The following NKAIN2 variants were observed in gnomAD, a reference collection of about 807,000 sequenced individuals.
NKAIN2 encodes the protein sodium/potassium transporting ATPase interacting 2.
Under a neutral mutation model 32.6 loss-of-function variants are expected in NKAIN2, and 14 were observed. The observed-to-expected ratio is 0.43, with a 90% CI of 0.28 to 0.67. The LOEUF (loss-of-function observed/expected upper bound fraction) is 0.67, where lower values mean the gene tolerates loss of function less well. Among genes scored for constraint, NKAIN2 ranks in the 30% least tolerant of loss-of-function variants. NKAIN2 has a pLI of 0.17. For missense variants in NKAIN2, 198 were observed against 258.3 expected (o/e 0.77, Z 1.60); for synonymous variants, 80 against 87.2 (o/e 0.92, Z 0.46).
chr6:124,080,911 G>A (rs1025650345), intron 1 of NKAIN2, among the ~76,000 whole-genome samples: 1 of 152,044 alleles, frequency 6.6e-6, no homozygotes. Flanking sequence ...AGGAGTCCTT[G>A]TAGACTAAAT....
chr6:124,359,511 G>A (rs1050123055), intron 3 of NKAIN2, among the ~76,000 whole-genome samples: 45 of 151,996 alleles, frequency 3.0e-4, no homozygotes, highest in Non-Finnish European at 2.8e-4. Context: ...TGGAGTCCTA[G>A]GTATTTTATT....
At chr6:124,328,376 A>G (rs1045859035) in intron 2 of NKAIN2, among the ~76,000 whole-genome samples, 2 of 152,124 alleles carry the variant, frequency 1.3e-5, no homozygotes, top group African/African-American at 4.8e-5. Context: ...CTTATTTCTT[A>G]TTCTACTACT....
Position 124,242,844 on chromosome 6 carries a change from C to T in NKAIN2, c.55-40161C>T, listed in dbSNP as rs112790968. ...ATAAGTGGGAGTTGAACAATGAGAA[C>T]GCATGGACACAGGGAGGGGAACATC... On this transcript the variant is annotated intron_variant, in intron 1 of 6. Transcript: ENST00000368417. Among the ~76,000 whole-genome samples, 617 of 148,970 alleles carry T rather than the reference C, an allele frequency of 4.1e-3. 7 individuals carry two copies. The highest frequency in any genetic ancestry group is 0.014 in the African/African-American group (566 of 40,260).
At chr6:123,870,183 A>T (rs1772796764) in intron 1 of NKAIN2, among the ~76,000 whole-genome samples, 1 of 152,166 alleles carries the variant, frequency 6.6e-6, no homozygotes, top group African/African-American at 2.4e-5. Context: ...CATTTAGGTG[A>T]TAAGGCAGAC....
intron 2 of NKAIN2, among the ~76,000 whole-genome samples, chr6:124,295,899 G>A (rs1380193443): frequency 6.6e-6 from 1 of 152,034 alleles, no homozygotes; most frequent in Non-Finnish European, 1.5e-5. Context: ...TGAGACTTCA[G>A]GGAACATATG....
intron 3 of NKAIN2, among the ~76,000 whole-genome samples, chr6:124,493,509 T>TGTCCTCTG (rs780067973): frequency 2.0e-5 from 3 of 151,910 alleles, no homozygotes; most frequent in Non-Finnish European, 4.4e-5. Context: ...ACAGGAAGTG[T>TGTCCTCTG]GTCCTCTGGG....
chr6:124,025,273 A>C (rs1781052022), intron 1 of NKAIN2, among the ~76,000 whole-genome samples: 1 of 152,250 alleles, frequency 6.6e-6, no homozygotes, highest in Non-Finnish European at 1.5e-5. Flanking sequence ...TCTAGTACTC[A>C]ACTCACAAAT....
At chr6:124,638,026 A>T (rs1462338868) in intron 3 of NKAIN2, among the ~76,000 whole-genome samples, 1 of 152,204 alleles carries the variant, frequency 6.6e-6, no homozygotes, top group Non-Finnish European at 1.5e-5. Context: ...ACAGTATAGT[A>T]ACCAAAACCA....
At chr6:124,075,156 T>G (rs1360053352) in intron 1 of NKAIN2, among the ~76,000 whole-genome samples, 1 of 152,160 alleles carries the variant, frequency 6.6e-6, no homozygotes, top group African/African-American at 2.4e-5. Flanking sequence ...CTTCTGTTAT[T>G]GTCGTTAAGT....
At chr6:123,870,373 G>A (rs979128995) in intron 1 of NKAIN2, among the ~76,000 whole-genome samples, 2 of 152,062 alleles carry the variant, frequency 1.3e-5, no homozygotes, top group African/African-American at 4.8e-5. Context: ...TCTAAGATGG[G>A]AGGATTTGTT....
intron 1 of NKAIN2, among the ~76,000 whole-genome samples, chr6:123,911,789 A>ATATATATATGTATATATATATATG: frequency 8.9e-6 from 1 of 112,170 alleles, no homozygotes; most frequent in East Asian, 2.4e-4. Context: ...ATACATATAT[A>ATATATATATGTATATATATATATG]TATATATATA....
intron 1 of NKAIN2, chr6:123,828,646 C>T (rs1403372607): frequency 6.6e-6 from 1 of 152,122 alleles, no homozygotes; most frequent in East Asian, 1.9e-4. Flanking sequence ...ATCTGATCTC[C>T]ACTTAACTTT....
At chr6:124,053,397 T>C (rs1582543312) in intron 1 of NKAIN2, among the ~76,000 whole-genome samples, 1 of 152,084 alleles carries the variant, frequency 6.6e-6, no homozygotes, top group Non-Finnish European at 1.5e-5. Flanking sequence ...ACATCTCTTC[T>C]TTGTCTGTGA....
At chr6:124,521,442 T>G (rs571376689) in intron 3 of NKAIN2, among the ~76,000 whole-genome samples, 6 of 152,366 alleles carry the variant, frequency 3.9e-5, no homozygotes, top group African/African-American at 1.4e-4. Flanking sequence ...ATTATTCATG[T>G]GCATTCATTT....
At chr6:123,814,297 A>G (rs115823994) in intron 1 of NKAIN2, among the ~76,000 whole-genome samples, 3 of 152,196 alleles carry the variant, frequency 2.0e-5, no homozygotes, top group Non-Finnish European at 4.4e-5. Flanking sequence ...TCTTAAGAAC[A>G]TATTTCTGGT....
intron 4 of NKAIN2, among the ~76,000 whole-genome samples, chr6:124,753,711 G>T (rs776223281): frequency 1.3e-5 from 2 of 152,102 alleles, no homozygotes; most frequent in Non-Finnish European, 2.9e-5. Flanking sequence ...CACCAGGAAA[G>T]AATGAGGAGT....
intron 3 of NKAIN2, among the ~76,000 whole-genome samples, chr6:124,604,327 T>C (rs1362293842): frequency 6.6e-6 from 1 of 152,016 alleles, no homozygotes; most frequent in Non-Finnish European, 1.5e-5. Flanking sequence ...CCCTTCCTTA[T>C]TTGCTCCCTT....
intron 1 of NKAIN2, among the ~76,000 whole-genome samples, chr6:124,101,497 T>G (rs1784887322): frequency 6.6e-6 from 1 of 152,134 alleles, no homozygotes; most frequent in African/African-American, 2.4e-5. Flanking sequence ...GGAGTATCAG[T>G]TTCTTTTTTA....
At chr6:124,496,390 A>G (rs1029143768) in intron 3 of NKAIN2, among the ~76,000 whole-genome samples, 8 of 152,186 alleles carry the variant, frequency 5.3e-5, no homozygotes, top group African/African-American at 1.9e-4. Flanking sequence ...AGGCAAGGCT[A>G]TATGTATGGT....
Sources: gnomAD v4.1 joint callset for allele counts (sites outside exome capture counted in the v4.1 genomes callset) on GRCh38, gnomAD v4.1.1 for gene constraint, MANE v1.5 for transcripts, NCBI Gene and HGNC (gene_info 2026-07-23, HGNC 2026-07-21) for gene names.